The following CNTN3 variants were observed in gnomAD, a reference collection of about 807,000 sequenced individuals.
CNTN3 encodes the protein contactin-3.
CNTN3 carries 60 observed loss-of-function variants against 119.1 expected under a neutral mutation model. The observed-to-expected ratio is 0.50, with a 90% CI of 0.41 to 0.62. CNTN3 has a LOEUF of 0.62. Ranked by LOEUF, CNTN3 falls within the 20% of genes least tolerant of loss-of-function variation. The pLI, the probability that CNTN3 is intolerant of heterozygous loss-of-function variation, is 0.00. For missense variants in CNTN3, 1,101 were observed against 1,242.4 expected (o/e 0.89, Z 1.71); for synonymous variants, 450 against 438.7 (o/e 1.03, Z -0.32).
chr3:74,476,279 A>C (rs888310112), intron 4 of CNTN3, among the ~76,000 whole-genome samples: 4 of 152,202 alleles, frequency 2.6e-5, no homozygotes, highest in Admixed American at 1.3e-4. Flanking sequence ...TTCAGTATTC[A>C]TTAATTCAGT....
Position 74,262,613 on chromosome 3 carries a change from A to G in CNTN3, c.*1788T>C, listed in dbSNP as rs906413868. Reference sequence around the variant, plus strand: ...TTAGAATAGAAAATAATACATACAGATAACCATAGGATACACACACAGGAA... The same window carrying G: ...TTAGAATAGAAAATAATACATACAGGTAACCATAGGATACACACACAGGAA... On this transcript the variant is annotated 3_prime_UTR_variant, in exon 23 of 23. Coordinates refer to ENST00000263665, the MANE Select transcript of CNTN3 (RefSeq NM_020872.3). The G allele has an allele frequency of 6.6e-6, 1 of 152,572 alleles. No homozygotes were observed. Among genetic ancestry groups the G allele is most frequent in the Non-Finnish European group, 1.5e-5 (1 of 68,010 alleles). 9.5% of individuals were successfully genotyped at this position (152,572 alleles called of 1,614,324 possible).
At chr3:74,274,517 T>C (rs1172603978) in intron 20 of CNTN3, among the ~76,000 whole-genome samples, 1 of 152,028 alleles carries the variant, frequency 6.6e-6, no homozygotes, top group Non-Finnish European at 1.5e-5. Context: ...CCGAGCCTGG[T>C]AGACATGCTG....
At chr3:74,350,067 T>C (rs2106745554) in intron 11 of CNTN3, among the ~76,000 whole-genome samples, 1 of 152,326 alleles carries the variant, frequency 6.6e-6, no homozygotes, top group Non-Finnish European at 1.5e-5. Flanking sequence ...AAGAACTGCA[T>C]GGTTAGCTGC....
Position 74,486,472 on chromosome 3 carries a change from G to A in CNTN3, c.342C>T (p.Ala114=). 6.3e-7 allele frequency: 1 copy of A among 1,599,850 alleles called. No homozygotes were observed. Among genetic ancestry groups the A allele is most frequent in the Non-Finnish European group, 8.5e-7 (1 of 1,176,652 alleles). ...NSLGTIVSRE[A]KLQFAYLENF... ...TAAACTTACAGGCAAACTGAAGTTT[G>A]GCTTCTCTGCTGACAATTGTTCCAA... The change falls in exon 4 of 23, where the codon GCC becomes GCT. Residue 114 remains alanine, a synonymous_variant. Coordinates refer to ENST00000263665, the MANE Select transcript of CNTN3 (RefSeq NM_020872.3).
intron 1 of CNTN3, among the ~76,000 whole-genome samples, chr3:74,595,135 G>A (rs958175086): frequency 2.0e-5 from 3 of 150,918 alleles, no homozygotes; most frequent in African/African-American, 7.4e-5. Context: ...CCCACTTTTT[G>A]ATGCGGCTGT....
chr3:74,334,036 T>A (rs1286188225), intron 13 of CNTN3, among the ~76,000 whole-genome samples: 1 of 152,214 alleles, frequency 6.6e-6, no homozygotes, highest in African/African-American at 2.4e-5. Context: ...TTAGCCTGGG[T>A]GGCTCACCAG....
chr3:74,527,207 T>C (rs890118761), intron 1 of CNTN3, among the ~76,000 whole-genome samples: 6 of 151,812 alleles, frequency 4.0e-5, no homozygotes, highest in Non-Finnish European at 7.4e-5. Context: ...AAAAGGAAAA[T>C]CCTGTTCAAA....
At chr3:74,401,035 G>A (rs1705177100) in intron 5 of CNTN3, among the ~76,000 whole-genome samples, 1 of 152,136 alleles carries the variant, frequency 6.6e-6, no homozygotes, top group Admixed American at 6.5e-5. Flanking sequence ...AGCTATTAAT[G>A]CTTGTGTAAG....
At chr3:74,612,642 C>T (rs1705101903) in intron 1 of CNTN3, among the ~76,000 whole-genome samples, 1 of 152,186 alleles carries the variant, frequency 6.6e-6, no homozygotes, top group Non-Finnish European at 1.5e-5. Flanking sequence ...CACTTGCATG[C>T]ATTCAGCCTT....
At chr3:74,429,043 G>A (rs1041678493) in intron 4 of CNTN3, among the ~76,000 whole-genome samples, 1 of 152,104 alleles carries the variant, frequency 6.6e-6, no homozygotes, top group African/African-American at 2.4e-5. Flanking sequence ...TACATACTAT[G>A]ATGTTTGATG....
rs764916304 is a variant in CNTN3, at chr3:74,334,838, T to A, written c.1565A>T (p.Gln522Leu). The change falls in exon 13 of 23, where the codon CAG (glutamine) becomes CTG (leucine). Residue 522 changes from glutamine to leucine, a missense_variant. Gln to Leu is a moderately radical substitution (Grantham distance 113). Transcript: ENST00000263665. The stretch of plus-strand genomic sequence containing the variant: ...GTCTAACAGCGGGTCATGTTGTACC[T>A]GGCAGGGCAATATGACGCTTTCACC... ...SVGESVILPC[Q>L]VQHDPLLDII... The A allele has an allele frequency of 6.2e-7, 1 of 1,613,456 alleles. No homozygotes were observed. The highest frequency in any genetic ancestry group is 2.2e-5 in the East Asian group (1 of 44,856).
intron 5 of CNTN3, among the ~76,000 whole-genome samples, chr3:74,375,969 C>G (rs1488811): frequency 0.42 from 63,225 of 151,528 alleles, 14,465 homozygotes; most frequent in Middle Eastern, 0.51. Flanking sequence ...TCACCAGGGT[C>G]CTTAGAAGGG....
At chr3:74,319,315 G>C (rs1358870735) in intron 13 of CNTN3, among the ~76,000 whole-genome samples, 5 of 152,128 alleles carry the variant, frequency 3.3e-5, no homozygotes, top group Non-Finnish European at 7.4e-5. Flanking sequence ...TACCAAAACA[G>C]AGATATAGAT....
rs1271310887 is a variant in CNTN3 at position 74,442,170 on chromosome 3, CACACACAG to C, written c.359-17238_359-17231del. 9.5e-5 allele frequency among the ~76,000 whole-genome samples: 11 copies of C among 115,604 alleles called. No individual in the cohort carries two copies. The East Asian group carries it at 1.4e-3, about 15-fold the overall frequency. The allele number at this position is 115,604 out of a possible 152,430, so 75.8% of individuals were successfully genotyped here. ...GTACACACACACACACACACACACA[CACACACAG>C]AGAGAGAGAGATTATTTTTATATCC... is the stretch of plus-strand genomic sequence containing the variant. On this transcript the variant is annotated intron_variant, in intron 4 of 22. Coordinates refer to ENST00000263665, the MANE Select transcript of CNTN3 (RefSeq NM_020872.3).
At chr3:74,595,260 G>A (rs577872296) in intron 1 of CNTN3, among the ~76,000 whole-genome samples, 2 of 151,496 alleles carry the variant, frequency 1.3e-5, no homozygotes, top group South Asian at 4.2e-4. Flanking sequence ...TCACTCTGAT[G>A]GTAGTTTCTT....
chr3:74,353,740 A>G (rs903347352), intron 11 of CNTN3, among the ~76,000 whole-genome samples: 10 of 152,094 alleles, frequency 6.6e-5, no homozygotes. Flanking sequence ...TGGGGGACAG[A>G]GCGAGACTCC....
intron 11 of CNTN3, among the ~76,000 whole-genome samples, chr3:74,338,924 G>A (rs1398850933): frequency 6.6e-6 from 1 of 152,034 alleles, no homozygotes; most frequent in African/African-American, 2.4e-5. Flanking sequence ...GATTCTTCTC[G>A]TGGGACCCTG....
chr3:74,563,664 C>A (rs1704186298), intron 1 of CNTN3, among the ~76,000 whole-genome samples: 1 of 152,096 alleles, frequency 6.6e-6, no homozygotes, highest in African/African-American at 2.4e-5. Flanking sequence ...AAAGGAAATG[C>A]ACCTACCCCA....
At chr3:74,505,763 A>G (rs1703248721) in intron 2 of CNTN3, among the ~76,000 whole-genome samples, 2 of 152,182 alleles carry the variant, frequency 1.3e-5, no homozygotes, top group Admixed American at 6.6e-5. Flanking sequence ...AGGAATAACT[A>G]ATGTGTCTGT....
Sources: allele counts gnomAD v4.1 joint callset (sites outside exome capture counted in the v4.1 genomes callset), GRCh38; gene constraint gnomAD v4.1.1; transcripts MANE v1.5; gene names NCBI Gene and HGNC (gene_info 2026-07-23, HGNC 2026-07-21).